EIPR1: variants seen among roughly 807,000 people sequenced by gnomAD.
EIPR1 encodes the protein EARP and GARP complex-interacting protein 1.
In EIPR1, 25 loss-of-function variants were observed where a neutral mutation model predicts 48.1. The ratio of observed to expected loss-of-function variants is 0.52; its 90% CI spans 0.38 to 0.73. The LOEUF (loss-of-function observed/expected upper bound fraction) is 0.73. Among genes scored for constraint, EIPR1 ranks in the 30% least tolerant of loss-of-function variants. The pLI, the probability that EIPR1 is intolerant of heterozygous loss-of-function variation, is 0.00. For missense variants in EIPR1, 415 were observed against 506.2 expected, an observed-to-expected ratio of 0.82 and a Z score of 1.73; for synonymous variants, 204 against 201.9, an observed-to-expected ratio of 1.01 and a Z score of -0.09.
intron 4 of EIPR1, among the ~76,000 whole-genome samples, chr2:3,216,942 A>T (rs1183356302): frequency 6.6e-6 from 1 of 152,230 alleles, no homozygotes; most frequent in Non-Finnish European, 1.5e-5. Flanking sequence ...GCCTCTGAAC[A>T]ACTTTGAAGC....
At chr2:3,319,729 A>AGCAATACCACACCTGCGG (rs1558295811) in intron 3 of EIPR1, 3 of 115,672 alleles carry the variant, frequency 2.6e-5, no homozygotes, top group Non-Finnish European at 5.6e-5. Context: ...CTGCAGGCAG[A>AGCAATACCACACCTGCGG]GCAATACCAC....
At chr2:3,209,440 C>T (rs771512641) in intron 5 of EIPR1, among the ~76,000 whole-genome samples, 1 of 152,202 alleles carries the variant, frequency 6.6e-6, no homozygotes, top group Non-Finnish European at 1.5e-5. Context: ...GACTCCGTGT[C>T]CCCCGCATGG....
intron 1 of EIPR1, among the ~76,000 whole-genome samples, chr2:3,363,948 A>C (rs982245774): frequency 2.0e-5 from 3 of 152,254 alleles, no homozygotes; most frequent in African/African-American, 7.2e-5. Context: ...AATGCAAATC[A>C]AAACCATAAT....
intron 4 of EIPR1, among the ~76,000 whole-genome samples, chr2:3,228,772 T>C (rs762702547): frequency 1.3e-5 from 2 of 152,172 alleles, no homozygotes; most frequent in East Asian, 1.9e-4. Context: ...TGAGACCTGA[T>C]GGTTTTATCA....
chr2:3,297,940 A>G (rs942527336), intron 3 of EIPR1, among the ~76,000 whole-genome samples: 1 of 152,140 alleles, frequency 6.6e-6, no homozygotes, highest in Non-Finnish European at 1.5e-5. Context: ...TTGCTTTTTA[A>G]GGAGATTTAG....
chr2:3,345,948 A>AACCACCACC lies in EIPR1; in HGVS notation c.127-7808_127-7800dup, dbSNP rs539173395. Among the ~76,000 whole-genome samples, 1,050 of 152,116 alleles carry AACCACCACC rather than the reference A, an allele frequency of 6.9e-3. 11 individuals carry two copies. Among genetic ancestry groups the AACCACCACC allele is most frequent in the African/African-American group, 0.024 (1,008 of 41,470 alleles). ...GCTCTTGGTACAGAAGTCCAGTGAA[A>AACCACCACC]ACCACCACCACCACCACCACCGTGC... is the stretch of plus-strand genomic sequence containing the variant. On this transcript the variant is annotated intron_variant, in intron 2 of 8. Transcript: ENST00000382125.
rs1669167815 is a variant in EIPR1 at position 3,312,753 on chromosome 2, C to T, written c.259+25264G>A. Among the ~76,000 whole-genome samples the T allele has an allele frequency of 1.3e-5, 2 of 152,156 alleles. No homozygotes were observed. The highest frequency in any genetic ancestry group is 2.9e-5 in the Non-Finnish European group (2 of 68,028). On this transcript the variant is annotated intron_variant, in intron 3 of 8. Transcript: ENST00000382125. The surrounding 1 kb of genome is among the most constrained non-coding windows in gnomAD (Gnocchi z 5.5). ...GGCTTGAGAAGGTTCTTGATGGTTACGTTGCTTTGTCTGCCTCTGCTGGTC... is the reference window on the plus strand; with the variant it reads ...GGCTTGAGAAGGTTCTTGATGGTTATGTTGCTTTGTCTGCCTCTGCTGGTC...
chr2:3,240,480 C>G (rs1666572808), intron 4 of EIPR1, among the ~76,000 whole-genome samples: 1 of 150,670 alleles, frequency 6.6e-6, no homozygotes, highest in African/African-American at 2.4e-5. Context: ...GAAAAGCCAG[C>G]AGATCCCTCC....
chr2:3,289,535 G>T (rs1668304056), intron 3 of EIPR1, among the ~76,000 whole-genome samples: 3 of 152,092 alleles, frequency 2.0e-5, no homozygotes, highest in African/African-American at 7.2e-5. Context: ...CTTCTGTGCT[G>T]GTTCCCTCGG....
intron 1 of EIPR1, among the ~76,000 whole-genome samples, chr2:3,364,603 C>A (rs1329826244): frequency 1.2e-4 from 18 of 151,086 alleles, no homozygotes; most frequent in Non-Finnish European, 1.5e-5. Context: ...CCACTGCACT[C>A]CAGCCTGGGT....
intron 1 of EIPR1, among the ~76,000 whole-genome samples, chr2:3,371,063 G>A (rs12476347): frequency 0.16 from 24,557 of 152,114 alleles, 2,215 homozygotes; most frequent in Non-Finnish European, 0.2. Flanking sequence ...TACAAGCCAG[G>A]AGAGAGTAGG....
chr2:3,217,501 A>T (rs1665678253), intron 4 of EIPR1, among the ~76,000 whole-genome samples: 1 of 152,244 alleles, frequency 6.6e-6, no homozygotes, highest in Non-Finnish European at 1.5e-5. Flanking sequence ...GTCAATTAAC[A>T]AATAAAAACA....
At chr2:3,277,021 T>A (rs1252003263) in intron 3 of EIPR1, among the ~76,000 whole-genome samples, 1 of 152,154 alleles carries the variant, frequency 6.6e-6, no homozygotes, top group African/African-American at 2.4e-5. Context: ...AATACTCTAA[T>A]TAAAAACGTA....
intron 1 of EIPR1, among the ~76,000 whole-genome samples, chr2:3,370,594 G>A (rs1177241161): frequency 1.4e-4 from 21 of 149,458 alleles, no homozygotes; most frequent in South Asian, 2.1e-4. Context: ...GAAGAATGCA[G>A]AAGCCTCAGG....
At chr2:3,316,805 G>A (rs1165159585) in intron 3 of EIPR1, among the ~76,000 whole-genome samples, 4 of 152,222 alleles carry the variant, frequency 2.6e-5, no homozygotes, top group South Asian at 2.1e-4. Flanking sequence ...CCCTGACCTG[G>A]TCCACACCTT....
At chr2:3,239,439 T>G (rs1666522012) in intron 4 of EIPR1, among the ~76,000 whole-genome samples, 1 of 152,184 alleles carries the variant, frequency 6.6e-6, no homozygotes, top group African/African-American at 2.4e-5. Flanking sequence ...CACAGACGCT[T>G]AGACACAGGA....
intron 4 of EIPR1, among the ~76,000 whole-genome samples, chr2:3,252,795 G>A (rs997866983): frequency 2.6e-5 from 4 of 152,142 alleles, no homozygotes; most frequent in African/African-American, 4.8e-5. Context: ...CAGGGCTGGC[G>A]GGGACCTGAG....
At chr2:3,244,188 G>A (rs922603998) in intron 4 of EIPR1, among the ~76,000 whole-genome samples, 13 of 152,310 alleles carry the variant, frequency 8.5e-5, no homozygotes, top group African/African-American at 3.1e-4. Context: ...CAAGTCCAAA[G>A]ATAGCCTCTG....
At chr2:3,374,475 G>C (rs1195818664) in intron 1 of EIPR1, among the ~76,000 whole-genome samples, 8 of 151,924 alleles carry the variant, frequency 5.3e-5, no homozygotes, top group African/African-American at 1.2e-4. Flanking sequence ...TTCACAACCT[G>C]CTCATCTGAC....
Sources: gnomAD v4.1 joint callset for allele counts (sites outside exome capture counted in the v4.1 genomes callset) on GRCh38, gnomAD v4.1.1 for gene constraint, Gnocchi (gnomAD v3.1) non-coding constraint, MANE v1.5 for transcripts, NCBI Gene and HGNC (gene_info 2026-07-23, HGNC 2026-07-21) for gene names.